TTC7B: variants seen among roughly 807,000 people sequenced by gnomAD.
TTC7B encodes tetratricopeptide repeat protein 7B.
A neutral mutation model predicts 106.8 loss-of-function variants in TTC7B; 28 were observed. The ratio of observed to expected loss-of-function variants is 0.26; its 90% CI spans 0.19 to 0.36. The LOEUF (loss-of-function observed/expected upper bound fraction) is 0.36. Among genes scored for constraint, TTC7B ranks in the 10% least tolerant of loss-of-function variants. The pLI is 1.00. For missense variants in TTC7B, 862 were observed against 1,076.4 expected (o/e 0.80, Z 2.79); for synonymous variants, 405 against 430.6 (o/e 0.94, Z 0.74).
intron 4 of TTC7B, among the ~76,000 whole-genome samples, chr14:90,743,780 C>T (rs1032851364): frequency 1.9e-4 from 15 of 78,140 alleles, no homozygotes; most frequent in African/African-American, 7.7e-4. Context: ...TTTTTATGGA[C>T]GGAAAAAATC....
At chr14:90,729,024 A>C (rs986231586) in intron 5 of TTC7B, among the ~76,000 whole-genome samples, 23 of 152,240 alleles carry the variant, frequency 1.5e-4, no homozygotes, top group Non-Finnish European at 2.4e-4. Context: ...ATGCAAGAGC[A>C]TCTTTGTGCC....
intron 1 of TTC7B, among the ~76,000 whole-genome samples, chr14:90,801,178 T>C (rs1325361597): frequency 7.5e-6 from 1 of 133,432 alleles, no homozygotes; most frequent in East Asian, 2.1e-4. Flanking sequence ...TGAGCCATGA[T>C]CACACCACTG....
At chr14:90,603,167 T>C in intron 17 of TTC7B, 1 of 968,634 alleles carries the variant, frequency 1.0e-6, no homozygotes, top group Non-Finnish European at 1.4e-6. Context: ...TTCTCAGCAC[T>C]CAACAACCAC....
rs992335214 is a variant in TTC7B, at chr14:90,578,834, C to T, written c.2108-526G>A. ...CACAGGCGTGATGCAAGATGGCTGCCCCGCCACACCTGGCCCCTGAGCTCA... is the reference window on the plus strand; with the variant it reads ...CACAGGCGTGATGCAAGATGGCTGCTCCGCCACACCTGGCCCCTGAGCTCA... On this transcript the variant is annotated intron_variant, in intron 18 of 19. Coordinates refer to ENST00000328459, the MANE Select transcript of TTC7B (RefSeq NM_001010854.2). This position sits in a 1 kb window ranked among gnomAD's most constrained non-coding sequence, Gnocchi z 4.7. Among the ~76,000 whole-genome samples, 1 of 152,020 alleles carries T rather than the reference C, an allele frequency of 6.6e-6. No homozygotes were observed. The highest frequency in any genetic ancestry group is 2.4e-5 in the African/African-American group (1 of 41,400).
At chr14:90,745,887 G>C (rs1439415687) in intron 3 of TTC7B, among the ~76,000 whole-genome samples, 3 of 151,426 alleles carry the variant, frequency 2.0e-5, no homozygotes, top group Admixed American at 6.6e-5. Flanking sequence ...TTTTTTAGTA[G>C]AGATGGGGTT....
At chr14:90,744,324 T>C (rs1163741465) in intron 4 of TTC7B, among the ~76,000 whole-genome samples, 1 of 152,208 alleles carries the variant, frequency 6.6e-6, no homozygotes, top group Admixed American at 6.5e-5. Flanking sequence ...TTTCTTTCTT[T>C]TTTTTATGAG....
At chr14:90,730,712 A>C (rs567871652) in intron 4 of TTC7B, among the ~76,000 whole-genome samples, 1 of 152,276 alleles carries the variant, frequency 6.6e-6, no homozygotes, top group African/African-American at 2.4e-5. Flanking sequence ...CAGGCTCCAG[A>C]GCTGAGGGAC....
At chr14:90,605,696 CA>C (rs1246612622) in intron 17 of TTC7B, 13 of 1,286,930 alleles carry the variant, frequency 1.0e-5, no homozygotes, top group Non-Finnish European at 1.0e-6. Flanking sequence ...TGAGAAGACA[CA>C]AACAGGTGGA....
At chr14:90,647,116 A>G (rs370482874) in intron 13 of TTC7B, 93 bp from the exon 14 acceptor site, 1 of 1,045,584 alleles carries the variant, frequency 9.6e-7, no homozygotes. Flanking sequence ...GCATTCTTAT[A>G]CTAAGGGCCC....
chr14:90,753,490 T>C (rs1384791922), intron 3 of TTC7B, among the ~76,000 whole-genome samples: 1 of 152,230 alleles, frequency 6.6e-6, no homozygotes, highest in Non-Finnish European at 1.5e-5. Context: ...TCTTGTGTTC[T>C]TGCCTCTATA....
chr14:90,734,485 G>A (rs986546406), intron 4 of TTC7B, among the ~76,000 whole-genome samples: 5 of 151,618 alleles, frequency 3.3e-5, no homozygotes, highest in African/African-American at 1.2e-4. Flanking sequence ...AGATCTATAG[G>A]CTGCAATGAG....
intron 12 of TTC7B, among the ~76,000 whole-genome samples, chr14:90,654,590 C>T (rs993475017): frequency 1.3e-5 from 2 of 152,122 alleles, no homozygotes; most frequent in African/African-American, 4.8e-5. Context: ...AGGGAAGCTT[C>T]CTGGAAGTGT....
Position 90,602,336 on chromosome 14 carries a change from C to T in TTC7B, c.1966+8406G>A. The T allele has an allele frequency of 7.3e-6, 3 of 409,638 alleles. No individual in the cohort carries two copies. The Admixed American group carries it at 7.8e-5, about 11-fold the overall frequency. 25.4% of individuals were successfully genotyped at this position (409,638 alleles called of 1,614,324 possible). Reference sequence around the variant, plus strand: ...GGACTGTCGTCCAAATATATTTGACCAAAGAGAATCAGTGGTCTAAGAAAC... The same window carrying T: ...GGACTGTCGTCCAAATATATTTGACTAAAGAGAATCAGTGGTCTAAGAAAC... On this transcript the variant is annotated intron_variant, in intron 17 of 19. Transcript: ENST00000328459.
chr14:90,789,902 A>AGGTCAGAGTCCAAGGAGATGTTAGG (rs1566889259), intron 1 of TTC7B, among the ~76,000 whole-genome samples: 4 of 141,960 alleles, frequency 2.8e-5, no homozygotes, highest in Admixed American at 1.4e-4. Flanking sequence ...TCTCAAAAAA[A>AGGTCAGAGTCCAAGGAGATGTTAGG]AAAAAAAAAA....
chr14:90,662,307 A>C (rs1418621185), intron 9 of TTC7B, among the ~76,000 whole-genome samples: 2 of 152,176 alleles, frequency 1.3e-5, no homozygotes, highest in African/African-American at 4.8e-5. Context: ...GGGACCTCCC[A>C]AATTGGGGCA....
intron 13 of TTC7B, among the ~76,000 whole-genome samples, chr14:90,649,527 T>TA (rs1302020534): frequency 6.6e-6 from 1 of 152,154 alleles, no homozygotes; most frequent in African/African-American, 2.4e-5. Flanking sequence ...TAAATGAATC[T>TA]AAAGCAGCCT....
At chr14:90,618,165 T>C in intron 15 of TTC7B, 120 bp from the exon 16 acceptor site, 1 of 680,746 alleles carries the variant, frequency 1.5e-6, no homozygotes, top group Non-Finnish European at 2.6e-6. Flanking sequence ...AAAGGGAACA[T>C]CCACATGTGT....
intron 8 of TTC7B, chr14:90,677,866 A>G (rs1228805161): frequency 2.2e-6 from 1 of 453,554 alleles, no homozygotes; most frequent in African/African-American, 2.0e-5. Context: ...AAATAAGAAT[A>G]TATAAGACAG....
rs185094539 is a variant in TTC7B, at chr14:90,797,153, C to G, written c.122-10825G>C. Among the ~76,000 whole-genome samples the G allele has an allele frequency of 2.2e-4, 32 of 145,230 alleles. 1 individual carries two copies. The Middle Eastern group carries it at 0.018, about 80-fold the overall frequency. On this transcript the variant is annotated intron_variant, in intron 1 of 19. Coordinates refer to ENST00000328459, the MANE Select transcript of TTC7B (RefSeq NM_001010854.2). ...AGCCAACTTGCCTGACCCAGGTTCT[C>G]CATTTCTTAAGGCTCAGAAGGCCAG...
Sources: allele counts gnomAD v4.1 joint callset (sites outside exome capture counted in the v4.1 genomes callset), GRCh38; gene constraint gnomAD v4.1.1; non-coding constraint Gnocchi (gnomAD v3.1); transcripts MANE v1.5; gene names NCBI Gene and HGNC (gene_info 2026-07-23, HGNC 2026-07-21).